Variants in MYO3B observed in about 807,000 individuals in gnomAD.
MYO3B encodes the protein myosin-IIIb.
A neutral mutation model predicts 174.6 loss-of-function variants in MYO3B; 156 were observed. The ratio of observed to expected loss-of-function variants is 0.89; its 90% confidence interval spans 0.78 to 1.02. The LOEUF (loss-of-function observed/expected upper bound fraction) is 1.02, where lower values mean the gene tolerates loss of function less well. Among genes scored for constraint, MYO3B ranks in the 50% least tolerant of loss-of-function variants. MYO3B has a pLI of 0.00. For missense variants in MYO3B, 1,632 were observed against 1,639.4 expected, an observed-to-expected ratio of 1.00 and a Z score of 0.08; for synonymous variants, 563 against 569.1, an observed-to-expected ratio of 0.99 and a Z score of 0.15.
chr2:170,619,586 G>A (rs538977921), intron 32 of MYO3B, among the ~76,000 whole-genome samples: 78 of 152,018 alleles, frequency 5.1e-4, no homozygotes, highest in African/African-American at 1.7e-3. Flanking sequence ...TCCCAACCAC[G>A]TCTCTCACCA....
intron 8 of MYO3B, among the ~76,000 whole-genome samples, chr2:170,360,070 C>T (rs550672841): frequency 6.6e-6 from 1 of 152,290 alleles, no homozygotes; most frequent in Non-Finnish European, 1.5e-5. Context: ...TTGATTTGCA[C>T]TCTCTTAGCC....
At chr2:170,333,373 C>G (rs1011132153) in intron 7 of MYO3B, among the ~76,000 whole-genome samples, 3 of 152,050 alleles carry the variant, frequency 2.0e-5, no homozygotes, top group African/African-American at 7.2e-5. Context: ...AAGAGGCAGC[C>G]TCCTCCTTTG....
intron 32 of MYO3B, among the ~76,000 whole-genome samples, chr2:170,588,863 A>G (rs942257482): frequency 4.6e-5 from 7 of 152,216 alleles, no homozygotes; most frequent in African/African-American, 1.7e-4. Context: ...GTCACCAAAG[A>G]ATCTATGAAT....
At chr2:170,341,748 A>T (rs2093978139) in intron 8 of MYO3B, among the ~76,000 whole-genome samples, 1 of 152,186 alleles carries the variant, frequency 6.6e-6, no homozygotes, top group African/African-American at 2.4e-5. Context: ...ATTTTGAAAT[A>T]TTGGGATTTT....
At chr2:170,641,876 GGC>G (rs200862884) in intron 32 of MYO3B, among the ~76,000 whole-genome samples, 4 of 86,328 alleles carry the variant, frequency 4.6e-5, no homozygotes, top group Admixed American at 1.4e-4. Flanking sequence ...GGGGGGGAGG[GGC>G]GGGGAGCCAT....
At chr2:170,582,674 A>G (rs2106305687) in intron 32 of MYO3B, among the ~76,000 whole-genome samples, 1 of 152,218 alleles carries the variant, frequency 6.6e-6, no homozygotes, top group African/African-American at 2.4e-5. Flanking sequence ...ACTTTTTATT[A>G]AAAAAAGAAA....
intron 18 of MYO3B, 111 bp downstream of exon 18, chr2:170,401,802 C>CTTTTCT (rs1553483158): frequency 9.3e-5 from 65 of 699,492 alleles, no homozygotes; most frequent in Non-Finnish European, 1.1e-4. Context: ...CTTTCTTTTT[C>CTTTTCT]TTTTTTTTTT....
intron 1 of MYO3B, among the ~76,000 whole-genome samples, chr2:170,178,573 CACAT>C (rs758213249): frequency 1.4e-5 from 2 of 142,140 alleles, no homozygotes; most frequent in South Asian, 2.3e-4. Flanking sequence ...CACACACACA[CACAT>C]ACACACAGCA....
Position 170,404,269 on chromosome 2 carries a change from T to C in MYO3B, c.2300T>C (p.Ile767Thr), listed in dbSNP as rs1309839552. ...CAGATGGAATATCAGAATGAAGGCA[T>C]TGATGCTGTACCCGTGGAATATGAG... ...LEQMEYQNEGIDAVPVEYEDN... is the reference protein window; with the variant it reads ...LEQMEYQNEGTDAVPVEYEDN... The change falls in exon 20 of 35, where the codon ATT becomes ACT. Residue 767 changes from isoleucine (I) to threonine (T), a missense_variant. Physicochemically the swap from Ile to Thr is moderately conservative, Grantham distance 89. Coordinates refer to ENST00000408978, the MANE Select transcript of MYO3B (RefSeq NM_138995.5). The C allele has an allele frequency of 2.5e-6, 4 of 1,608,868 alleles. No homozygotes were observed. The highest frequency in any genetic ancestry group is 2.2e-5 in the South Asian group (2 of 89,958).
intron 9 of MYO3B, among the ~76,000 whole-genome samples, chr2:170,371,216 T>TAAAAAAAAAAAAAAAAAAAAAAAAAA (rs56689548): frequency 1.1e-5 from 1 of 89,712 alleles, no homozygotes; most frequent in Non-Finnish European, 2.1e-5. Context: ...AGACAGTGTC[T>TAAAAAAAAAAAAAAAAAAAAAAAAAA]AAAAAAAAAA....
chr2:170,286,925 G>A (rs1216856688), intron 7 of MYO3B, among the ~76,000 whole-genome samples: 1 of 151,714 alleles, frequency 6.6e-6, no homozygotes, highest in Non-Finnish European at 1.5e-5. Flanking sequence ...TTTACTCTCT[G>A]TCTTTATGAG....
chr2:170,456,951 G>A (rs1425919196), intron 23 of MYO3B, among the ~76,000 whole-genome samples: 2 of 152,138 alleles, frequency 1.3e-5, no homozygotes, highest in Non-Finnish European at 2.9e-5. Flanking sequence ...ATAAGCTATC[G>A]CCTTTCGCTG....
intron 7 of MYO3B, among the ~76,000 whole-genome samples, chr2:170,281,399 C>T (rs886983290): frequency 6.6e-6 from 1 of 152,034 alleles, no homozygotes; most frequent in African/African-American, 2.4e-5. Context: ...GCAAAAGAAC[C>T]AAAATCACAC....
intron 1 of MYO3B, among the ~76,000 whole-genome samples, chr2:170,181,615 G>A (rs1161736060): frequency 6.6e-6 from 1 of 152,094 alleles, no homozygotes; most frequent in Non-Finnish European, 1.5e-5. Flanking sequence ...TTTCTAGTCT[G>A]TTGAGAGATT....
At chr2:170,587,134 G>T (rs1003445711) in intron 32 of MYO3B, among the ~76,000 whole-genome samples, 1 of 152,208 alleles carries the variant, frequency 6.6e-6, no homozygotes, top group East Asian at 1.9e-4. Flanking sequence ...GTGTAAAAGT[G>T]TAGCACATAC....
rs536185955 is a variant in MYO3B, at chr2:170,557,776, A to G, written c.3733+13788A>G. On this transcript the variant is annotated intron_variant, in intron 32 of 34. Coordinates refer to ENST00000408978, the MANE Select transcript of MYO3B (RefSeq NM_138995.5). ...CCAACGGTGATATGTGGTCTCCAGG[A>G]AAGGTTCAGATAAGCTTACTCCAAA... is the stretch of plus-strand genomic sequence containing the variant. Among the ~76,000 whole-genome samples, 7 of 152,282 alleles carry G rather than the reference A, an allele frequency of 4.6e-5. No homozygotes were observed. In the South Asian group the frequency reaches 1.5e-3, roughly 32 times the overall value.
intron 32 of MYO3B, among the ~76,000 whole-genome samples, chr2:170,619,703 C>G (rs1017550472): frequency 5.6e-5 from 8 of 142,798 alleles, no homozygotes; most frequent in Non-Finnish European, 9.1e-5. Flanking sequence ...CAAACCTCAT[C>G]TCTAAAGTGA....
At chr2:170,400,040 C>A in intron 16 of MYO3B, 148 bp from the exon 17 acceptor site, 1 of 990,948 alleles carries the variant, frequency 1.0e-6, no homozygotes, top group Non-Finnish European at 1.5e-6. Flanking sequence ...CCTCTAACTG[C>A]AAAGAAGTTT....
intron 7 of MYO3B, among the ~76,000 whole-genome samples, chr2:170,310,665 CAA>C (rs746315736): frequency 4.7e-4 from 29 of 61,452 alleles, no homozygotes; most frequent in South Asian, 1.8e-3. Context: ...GACTCCATCT[CAA>C]AAAAAAAAAA....
Sources: allele counts gnomAD v4.1 joint callset (sites outside exome capture counted in the v4.1 genomes callset), GRCh38; gene constraint gnomAD v4.1.1; transcripts MANE v1.5; gene names NCBI Gene and HGNC (gene_info 2026-07-23, HGNC 2026-07-21).